Variants in HHIP observed in about 807,000 individuals in gnomAD.
HHIP encodes hedgehog-interacting protein.
In HHIP, 12 loss-of-function variants were observed where a neutral mutation model predicts 74.0. That is an observed-to-expected ratio of 0.16 (90% confidence interval 0.10 to 0.26). The LOEUF is 0.26. HHIP is among the 10% of genes least tolerant of loss of function. The pLI is 1.00. For missense variants in HHIP, 788 were observed against 845.0 expected (o/e 0.93, Z 0.84); for synonymous variants, 309 against 311.6 (o/e 0.99, Z 0.09).
chr4:144,692,805 C>A lies in HHIP; in HGVS notation c.832-13726C>A, dbSNP rs17019626. 6.2e-3 allele frequency among the ~76,000 whole-genome samples: 946 copies of A among 152,092 alleles called. 9 individuals carry two copies. The highest frequency in any genetic ancestry group is 0.022 in the African/African-American group (919 of 41,496). ...TCTATCTTTCCATGCAACAACTCAC[C>A]AGGTAGGAAATGCGTGTATTTTGAA... On this transcript the variant is annotated intron_variant, in intron 4 of 12. Transcript: ENST00000296575.
chr4:144,736,575 C>G (rs1731127243), intron 12 of HHIP, among the ~76,000 whole-genome samples: 1 of 152,050 alleles, frequency 6.6e-6, no homozygotes, highest in Admixed American at 6.6e-5. Flanking sequence ...TGAATTATCT[C>G]AAATACAGAT....
At chr4:144,674,059 C>G (rs1729112087) in intron 4 of HHIP, among the ~76,000 whole-genome samples, 1 of 152,174 alleles carries the variant, frequency 6.6e-6, no homozygotes, top group Non-Finnish European at 1.5e-5. Flanking sequence ...TGAGAGAATT[C>G]CCATGATGCC....
intron 4 of HHIP, among the ~76,000 whole-genome samples, chr4:144,676,621 AGCCATCTCTGGG>A (rs1729178080): frequency 6.6e-6 from 1 of 152,146 alleles, no homozygotes; most frequent in East Asian, 1.9e-4. Context: ...CCATCTCTGG[AGCCATCTCTGGG>A]GCCCAACCCA....
intron 2 of HHIP, among the ~76,000 whole-genome samples, chr4:144,657,141 C>T (rs1201861840): frequency 6.6e-6 from 1 of 152,118 alleles, no homozygotes; most frequent in Non-Finnish European, 1.5e-5. Flanking sequence ...CAGGGTGAGA[C>T]ATTTCACTCA....
chr4:144,726,565 T>A (rs1334910208), intron 11 of HHIP, among the ~76,000 whole-genome samples: 1 of 152,206 alleles, frequency 6.6e-6, no homozygotes, highest in Non-Finnish European at 1.5e-5. Flanking sequence ...TTGATGTAGG[T>A]AAAATTCACC....
At chr4:144,664,744 G>A (rs1728814079) in intron 4 of HHIP, among the ~76,000 whole-genome samples, 1 of 152,100 alleles carries the variant, frequency 6.6e-6, no homozygotes, top group African/African-American at 2.4e-5. Context: ...TGTGTTAATA[G>A]AAAGAAAGCA....
At chr4:144,684,403 C>A (rs1349831307) in intron 4 of HHIP, among the ~76,000 whole-genome samples, 1 of 150,138 alleles carries the variant, frequency 6.7e-6, no homozygotes, top group Non-Finnish European at 1.5e-5. Flanking sequence ...GGACTACAGG[C>A]GCTCGCCACC....
chr4:144,685,488 A>G (rs1729461777), intron 4 of HHIP: 1 of 152,254 alleles, frequency 6.6e-6, no homozygotes, highest in Admixed American at 6.5e-5. Context: ...ATGACCAAAA[A>G]CAAAAACATT....
chr4:144,735,627 C>T (rs1184793692), intron 12 of HHIP, among the ~76,000 whole-genome samples: 1 of 152,092 alleles, frequency 6.6e-6, no homozygotes, highest in Non-Finnish European at 1.5e-5. Flanking sequence ...CAACAACCAG[C>T]ATATACCATC....
At chr4:144,683,942 T>C (rs564560927) in intron 4 of HHIP, among the ~76,000 whole-genome samples, 291 of 151,956 alleles carry the variant, frequency 1.9e-3, no homozygotes, top group Middle Eastern at 3.4e-3. Context: ...CCTCCTGTAG[T>C]CTCTCAGCTA....
intron 11 of HHIP, among the ~76,000 whole-genome samples, chr4:144,725,414 C>T (rs920952380): frequency 6.6e-6 from 1 of 152,174 alleles, no homozygotes; most frequent in African/African-American, 2.4e-5. Flanking sequence ...CATTCCTGTG[C>T]TCTTTTATAG....
In HHIP at chr4:144,678,727, G is replaced by A. The variant is rs537801008; in HGVS notation, c.831+18889G>A. ...TCCCTGCAAAGGACATGAAATCATC[G>A]TTTTTATGGCTACGTAGTATTCCAT... On this transcript the variant is annotated intron_variant, in intron 4 of 12. Coordinates refer to ENST00000296575, the MANE Select transcript of HHIP (RefSeq NM_022475.3). 3.4e-4 allele frequency among the ~76,000 whole-genome samples: 51 copies of A among 152,188 alleles called. 1 individual carries two copies. The South Asian group carries it at 9.1e-3, about 27-fold the overall frequency.
chr4:144,697,174 C>T (rs1252959195), intron 4 of HHIP, among the ~76,000 whole-genome samples: 2 of 151,726 alleles, frequency 1.3e-5, no homozygotes, highest in South Asian at 4.2e-4. Context: ...TTTTGTTAAA[C>T]CATCATTAAT....
intron 3 of HHIP, 108 bp from the exon 4 acceptor site, chr4:144,659,529 C>A: frequency 2.9e-6 from 2 of 689,666 alleles, no homozygotes; most frequent in Non-Finnish European, 4.5e-6. Flanking sequence ...CTTCATGGTT[C>A]TCAAAACCAT....
rs950782567 is a variant in HHIP at position 144,743,885 on chromosome 4, A to T, written c.*5928A>T. On this transcript the variant is annotated 3_prime_UTR_variant, in exon 13 of 13. Transcript: ENST00000296575. ...TTTCCATTCACATGAACAAGTTATA[A>T]TCAGGTTTGGGATAGTATGCCCAAA... 2.6e-5 allele frequency: 4 copies of T among 152,164 alleles called. No individual in the cohort carries two copies. Among genetic ancestry groups the T allele is most frequent in the African/African-American group, 9.6e-5 (4 of 41,468 alleles). 9.4% of individuals were successfully genotyped at this position (152,164 alleles called of 1,614,324 possible).
intron 12 of HHIP, among the ~76,000 whole-genome samples, chr4:144,736,769 G>C (rs1001688759): frequency 6.6e-6 from 1 of 151,954 alleles, no homozygotes; most frequent in Non-Finnish European, 1.5e-5. Flanking sequence ...TGTTTATGTG[G>C]GATGTTTTGG....
chr4:144,735,689 C>A (rs139835412), intron 12 of HHIP, among the ~76,000 whole-genome samples: 1 of 151,948 alleles, frequency 6.6e-6, no homozygotes, highest in East Asian at 1.9e-4. Context: ...ATACTTATTG[C>A]CAATGAAAAT....
At chr4:144,676,729 C>A (rs920679397) in intron 4 of HHIP, among the ~76,000 whole-genome samples, 1 of 152,088 alleles carries the variant, frequency 6.6e-6, no homozygotes, top group African/African-American at 2.4e-5. Context: ...GGGTGGTGGT[C>A]AGGAAAAGCA....
intron 4 of HHIP, among the ~76,000 whole-genome samples, chr4:144,682,354 T>A (rs1013800886): frequency 1.3e-5 from 2 of 152,228 alleles, no homozygotes; most frequent in Non-Finnish European, 2.9e-5. Context: ...TGTTTTCCCA[T>A]GAAAACAAAG....
Sources: gnomAD v4.1 joint callset for allele counts (sites outside exome capture counted in the v4.1 genomes callset) on GRCh38, gnomAD v4.1.1 for gene constraint, MANE v1.5 for transcripts, NCBI Gene and HGNC (gene_info 2026-07-23, HGNC 2026-07-21) for gene names.